MYH10: variants seen among roughly 807,000 people sequenced by gnomAD.
The protein encoded by MYH10 is myosin heavy chain 10.
Under a neutral mutation model 257.8 loss-of-function variants are expected in MYH10, and 55 were observed. That is an observed-to-expected ratio of 0.21 (90% CI 0.17 to 0.27). MYH10 has a LOEUF of 0.27. Ranked by LOEUF, MYH10 falls within the 10% of genes least tolerant of loss-of-function variation. The probability of loss-of-function intolerance (pLI) is 1.00; values close to 1 mark genes in which losing one functional copy is unlikely to be tolerated. For missense variants in MYH10, 1,631 were observed against 2,500.6 expected, an observed-to-expected ratio of 0.65 and a Z score of 7.42; for synonymous variants, 854 against 921.7, an observed-to-expected ratio of 0.93 and a Z score of 1.33.
chr17:8,500,445 A>G (rs1461030677), intron 29 of MYH10, among the ~76,000 whole-genome samples: 2 of 152,222 alleles, frequency 1.3e-5, no homozygotes, highest in Admixed American at 6.5e-5. Flanking sequence ...GAATGTCAGG[A>G]ACCCCTGAAG....
At chr17:8,544,698 A>G (rs1158255283) in intron 13 of MYH10, among the ~76,000 whole-genome samples, 1 of 152,216 alleles carries the variant, frequency 6.6e-6, no homozygotes, top group East Asian at 1.9e-4. Context: ...CATAGTTTAC[A>G]TCTATATTTA....
chr17:8,626,480 T>C (rs1263902222), intron 1 of MYH10, among the ~76,000 whole-genome samples: 1 of 151,572 alleles, frequency 6.6e-6, no homozygotes, highest in Non-Finnish European at 1.5e-5. Context: ...GGCAGGAAGA[T>C]CACTTGAGCC....
At position 8,487,508 on chromosome 17, in the gene MYH10, C is replaced by G; in HGVS notation, c.4971G>C (p.Leu1657=). The change falls in exon 36 of 43, where the codon CTG becomes CTC. Residue 1657 remains leucine (L), a synonymous_variant. Coordinates refer to ENST00000360416, the MANE Select transcript of MYH10 (RefSeq NM_001256012.3). The part of the protein sequence containing the change: ...VASKKKMEID[L]KDLEAQIEAA... ...CCTCGATTTGGGCTTCGAGGTCCTTCAGGTCTATCTCCATCTTTTTCTTTG... is the reference window on the plus strand; with the variant it reads ...CCTCGATTTGGGCTTCGAGGTCCTTGAGGTCTATCTCCATCTTTTTCTTTG... 1 of 1,614,214 alleles carries G rather than the reference C, an allele frequency of 6.2e-7. No individual in the cohort carries two copies. The highest frequency in any genetic ancestry group is 8.5e-7 in the Non-Finnish European group (1 of 1,180,036).
intron 36 of MYH10, among the ~76,000 whole-genome samples, chr17:8,485,971 C>T (rs1440397372): frequency 1.3e-5 from 2 of 152,184 alleles, no homozygotes; most frequent in East Asian, 3.8e-4. Flanking sequence ...GATGTATCCA[C>T]ACAGTAGAGT....
chr17:8,575,250 G>A (rs1047171844), intron 6 of MYH10, among the ~76,000 whole-genome samples: 8 of 134,912 alleles, frequency 5.9e-5, no homozygotes, highest in Admixed American at 3.0e-4. Context: ...AAATGACATC[G>A]AAACAAAATG....
At chr17:8,581,700 G>C (rs974174397) in intron 4 of MYH10, among the ~76,000 whole-genome samples, 2 of 151,986 alleles carry the variant, frequency 1.3e-5, no homozygotes, top group South Asian at 2.1e-4. Flanking sequence ...TAATACATAG[G>C]GTTGTTGAAG....
At chr17:8,547,195 C>T (rs747859445) in intron 11 of MYH10, among the ~76,000 whole-genome samples, 4 of 152,174 alleles carry the variant, frequency 2.6e-5, no homozygotes, top group Non-Finnish European at 5.9e-5. Context: ...GACTACATGG[C>T]CACTATGCCC....
intron 2 of MYH10, among the ~76,000 whole-genome samples, chr17:8,620,842 T>A (rs2085438067): frequency 6.6e-6 from 1 of 152,310 alleles, no homozygotes; most frequent in African/African-American, 2.4e-5. Context: ...GACCTCTGTG[T>A]GACCTTGAGA....
intron 7 of MYH10, among the ~76,000 whole-genome samples, chr17:8,559,619 G>C (rs1035475007): frequency 2.0e-5 from 3 of 152,018 alleles, no homozygotes; most frequent in African/African-American, 2.4e-5. Context: ...ATGTATCTTA[G>C]ATTTACAAAA....
intron 19 of MYH10, among the ~76,000 whole-genome samples, chr17:8,519,890 A>T (rs547392994): frequency 6.6e-6 from 1 of 152,330 alleles, no homozygotes; most frequent in East Asian, 1.9e-4. Context: ...AACTCTCAAC[A>T]TATGTTTGTA....
chr17:8,545,664 T>C lies in MYH10; in HGVS notation c.1279-64A>G, dbSNP rs2082421699. On this transcript the variant is annotated intron_variant, in intron 12 of 42. Transcript: ENST00000360416. The surrounding 1 kb of genome is among the most constrained non-coding windows in gnomAD (Gnocchi z 4.7). Reference sequence around the variant, plus strand: ...ATCTCAACAAAGCATAAATAGCTGTTTTACGGAATTTAATGTTATACAGCA... The same window carrying C: ...ATCTCAACAAAGCATAAATAGCTGTCTTACGGAATTTAATGTTATACAGCA... 2.6e-6 allele frequency: 4 copies of C among 1,538,524 alleles called. No homozygotes were observed. Among genetic ancestry groups the C allele is most frequent in the Non-Finnish European group, 3.5e-6 (4 of 1,136,560 alleles).
intron 35 of MYH10, 58 bp from the exon 36 acceptor site, chr17:8,487,652 G>T: frequency 6.3e-7 from 1 of 1,594,854 alleles, no homozygotes; most frequent in Non-Finnish European, 8.6e-7. Context: ...CGCAGAACAG[G>T]CAGACTGTTC....
At chr17:8,586,332 G>A (rs1471937683) in intron 4 of MYH10, among the ~76,000 whole-genome samples, 1 of 152,092 alleles carries the variant, frequency 6.6e-6, no homozygotes, top group Non-Finnish European at 1.5e-5. Context: ...CAGTTAACTT[G>A]CAGGTCCCCT....
At chr17:8,602,555 G>C (rs921241627) in intron 3 of MYH10, among the ~76,000 whole-genome samples, 2 of 152,228 alleles carry the variant, frequency 1.3e-5, no homozygotes, top group African/African-American at 4.8e-5. Context: ...TTGTGTAGTA[G>C]ATCAGCAGGT....
chr17:8,575,013 T>G (rs1375647384), intron 6 of MYH10, among the ~76,000 whole-genome samples: 1 of 152,248 alleles, frequency 6.6e-6, no homozygotes, highest in Non-Finnish European at 1.5e-5. Context: ...TAGCTACTGC[T>G]TAACTACGAT....
At chr17:8,570,765 A>C (rs1176781136) in intron 6 of MYH10, among the ~76,000 whole-genome samples, 2 of 152,210 alleles carry the variant, frequency 1.3e-5, no homozygotes, top group Non-Finnish European at 2.9e-5. Context: ...AGGCTTTTAA[A>C]TTAGTGGCAT....
chr17:8,505,283 ACCT>A (rs1422628402), intron 27 of MYH10, among the ~76,000 whole-genome samples: 1 of 152,174 alleles, frequency 6.6e-6, no homozygotes, highest in Non-Finnish European at 1.5e-5. Flanking sequence ...TGAAGGAGTG[ACCT>A]CCTCATCACA....
Position 8,492,407 on chromosome 17 carries a change from G to A in MYH10, c.4561C>T (p.Arg1521Trp), listed in dbSNP as rs202170785. The change falls in exon 34 of 43, where the codon CGG becomes TGG. Residue 1521 changes from arginine to tryptophan, a missense_variant. Around this residue, in one of 11 missense-constraint regions of MYH10, gnomAD observed 463 missense variants for 621.8 expected, o/e 0.74. Transcript: ENST00000360416. ...EKETKALSLA[R>W]ALEEALEAKE... ...GCCTCCAGGGCTTCCTCGAGGGCCC[G>A]GGCCAGTGACAGGGCTTTGGTTTCT... 3.1e-6 allele frequency: 5 copies of A among 1,613,372 alleles called. No individual in the cohort carries two copies. The highest frequency in any genetic ancestry group is 2.2e-5 in the East Asian group (1 of 44,872).
chr17:8,542,123 T>C lies in MYH10; in HGVS notation c.1589A>G (p.Asp530Gly). ...CACTCTTACAGGTCTCTCTATTAGGTCGATGCATGGCTGCAGATCCAGCCC... is the reference window on the plus strand; with the variant it reads ...CACTCTTACAGGTCTCTCTATTAGGCCGATGCATGGCTGCAGATCCAGCCC... ...DFGLDLQPCI[D>G]LIERPANPPG... The change falls in exon 14 of 43, where the codon GAC becomes GGC. Residue 530 changes from aspartate (D) to glycine (G), a missense_variant. Around this residue, in one of 11 missense-constraint regions of MYH10, gnomAD observed 63 missense variants for 167.9 expected, o/e 0.38. Coordinates refer to ENST00000360416, the MANE Select transcript of MYH10 (RefSeq NM_001256012.3). The C allele has an allele frequency of 1.2e-6, 2 of 1,613,972 alleles. No individual in the cohort carries two copies. Among genetic ancestry groups the C allele is most frequent in the South Asian group, 2.2e-5 (2 of 91,020 alleles).
Sources: gnomAD v4.1 joint callset for allele counts (sites outside exome capture counted in the v4.1 genomes callset) on GRCh38, gnomAD v4.1.1 for gene constraint, gnomAD v4.1.1 regional missense constraint, Gnocchi (gnomAD v3.1) non-coding constraint, MANE v1.5 for transcripts, NCBI Gene and HGNC (gene_info 2026-07-23, HGNC 2026-07-21) for gene names.